KLHL29: variants seen among roughly 807,000 people sequenced by gnomAD.
KLHL29 encodes kelch-like protein 29.
A neutral mutation model predicts 80.4 loss-of-function variants in KLHL29; 21 were observed. That is an observed-to-expected ratio of 0.26 (90% CI 0.19 to 0.38). The LOEUF is 0.38. Ranked by LOEUF, KLHL29 falls within the 10% of genes least tolerant of loss-of-function variation. KLHL29 has a pLI of 1.00. For missense variants in KLHL29, 867 were observed against 1,223.9 expected, an observed-to-expected ratio of 0.71 and a Z score of 4.35; for synonymous variants, 511 against 526.8, an observed-to-expected ratio of 0.97 and a Z score of 0.41.
rs900229260 is a variant in KLHL29, at chr2:23,642,485, A to C, written c.575A>C (p.His192Pro). ...VIGVTPSLPP[H>P]VGPQLPLMPG... ...GGGGTGACCCCCTCACTGCCTCCCC[A>C]CGTGGGGCCCCAGCTCCCGCTGATG... The change falls in exon 5 of 14, where the codon CAC (histidine) becomes CCC (proline). Residue 192 changes from histidine (H) to proline (P), a missense_variant. By Grantham distance (77) the His-to-Pro change is moderately conservative. Around this residue, in one of 2 missense-constraint regions of KLHL29, gnomAD observed 424 missense variants for 456.9 expected, o/e 0.93. Coordinates refer to ENST00000486442, the MANE Select transcript of KLHL29 (RefSeq NM_052920.2). 6.6e-7 allele frequency: 1 copy of C among 1,519,242 alleles called. No homozygotes were observed. Among genetic ancestry groups the C allele is most frequent in the Admixed American group, 2.1e-5 (1 of 48,346 alleles). 94.1% of individuals were successfully genotyped at this position (1,519,242 alleles called of 1,614,324 possible).
intron 1 of KLHL29, among the ~76,000 whole-genome samples, chr2:23,409,597 G>A (rs1666814031): frequency 6.6e-6 from 1 of 152,222 alleles, no homozygotes; most frequent in African/African-American, 2.4e-5. Context: ...CTCCTATGAA[G>A]CCAGACTGTA....
chr2:23,470,045 T>C (rs547706086), intron 1 of KLHL29, among the ~76,000 whole-genome samples: 1 of 152,244 alleles, frequency 6.6e-6, no homozygotes, highest in South Asian at 2.1e-4. Context: ...AAGAGGATTT[T>C]GGTTTGCAAC....
At chr2:23,489,979 C>G (rs1665048387) in intron 2 of KLHL29, among the ~76,000 whole-genome samples, 1 of 152,218 alleles carries the variant, frequency 6.6e-6, no homozygotes, top group Admixed American at 6.5e-5. Flanking sequence ...ATCTATACTC[C>G]CCTTGCTCTA....
chr2:23,626,212 G>A (rs1669304944), intron 3 of KLHL29, among the ~76,000 whole-genome samples: 1 of 152,190 alleles, frequency 6.6e-6, no homozygotes, highest in South Asian at 2.1e-4. Context: ...AACAGGGTTC[G>A]TGCTCCTATG....
intron 1 of KLHL29, among the ~76,000 whole-genome samples, chr2:23,434,520 A>C (rs1663283525): frequency 6.6e-6 from 1 of 152,112 alleles, no homozygotes; most frequent in African/African-American, 2.4e-5. Context: ...TCAGTCAATT[A>C]CAGTTCCATC....
rs543772579 is a variant in KLHL29, at chr2:23,498,739, T to A, written c.-46+23072T>A. ...TGGCACGTGTGACTGGGGAACTGAATTGTGAATTCTATTTAAGCTAAATTA... is the reference window on the plus strand; with the variant it reads ...TGGCACGTGTGACTGGGGAACTGAAATGTGAATTCTATTTAAGCTAAATTA... On this transcript the variant is annotated intron_variant, in intron 2 of 13. Coordinates refer to ENST00000486442, the MANE Select transcript of KLHL29 (RefSeq NM_052920.2). Among the ~76,000 whole-genome samples the A allele has an allele frequency of 7.2e-5, 11 of 152,368 alleles. No homozygotes were observed. In the South Asian group the frequency reaches 2.1e-3, roughly 29 times the overall value.
chr2:23,622,059 A>G (rs1246264466), intron 3 of KLHL29, among the ~76,000 whole-genome samples: 1 of 152,180 alleles, frequency 6.6e-6, no homozygotes, highest in Non-Finnish European at 1.5e-5. Flanking sequence ...GGCACCTGCA[A>G]TGCACATCCT....
chr2:23,509,250 G>T (rs754078651), intron 2 of KLHL29, among the ~76,000 whole-genome samples: 1 of 152,148 alleles, frequency 6.6e-6, no homozygotes, highest in African/African-American at 2.4e-5. Flanking sequence ...ACACTGCAAG[G>T]ACTCTCATCT....
At chr2:23,490,659 A>G (rs978666083) in intron 2 of KLHL29, among the ~76,000 whole-genome samples, 1 of 152,254 alleles carries the variant, frequency 6.6e-6, no homozygotes, top group African/African-American at 2.4e-5. Context: ...AATATCTTTC[A>G]TAAAAGATGA....
chr2:23,455,237 T>C (rs1664015489), intron 1 of KLHL29, among the ~76,000 whole-genome samples: 1 of 152,222 alleles, frequency 6.6e-6, no homozygotes, highest in Non-Finnish European at 1.5e-5. Flanking sequence ...CTTGACCTCT[T>C]GTGACTGATT....
intron 1 of KLHL29, among the ~76,000 whole-genome samples, chr2:23,410,971 G>A (rs1435518853): frequency 1.3e-5 from 2 of 151,958 alleles, no homozygotes; most frequent in Non-Finnish European, 2.9e-5. Context: ...TCCTCCCCCA[G>A]CCCCTCATTT....
At chr2:23,653,296 T>C (rs1670136292) in intron 5 of KLHL29, among the ~76,000 whole-genome samples, 1 of 152,150 alleles carries the variant, frequency 6.6e-6, no homozygotes, top group Non-Finnish European at 1.5e-5. Flanking sequence ...CCACCCCTAT[T>C]CCATGGTGCC....
chr2:23,440,600 A>G (rs1251701925), intron 1 of KLHL29, among the ~76,000 whole-genome samples: 1 of 152,178 alleles, frequency 6.6e-6, no homozygotes, highest in African/African-American at 2.4e-5. Context: ...GCTAATACCC[A>G]GAATCTACAA....
At chr2:23,525,494 T>A (rs1666274948) in intron 2 of KLHL29, among the ~76,000 whole-genome samples, 1 of 152,248 alleles carries the variant, frequency 6.6e-6, no homozygotes, top group Admixed American at 6.5e-5. Flanking sequence ...TGGCATCTGC[T>A]CTTGCCCTGT....
rs1363334460 is a variant in KLHL29 at position 23,496,540 on chromosome 2, C to T, written c.-46+20873C>T. ...ATGTTTTCCCCCAAAAAGGGTACCC[C>T]GCCAGTGTGCAGCAGCAGCACCCCC... On this transcript the variant is annotated intron_variant, in intron 2 of 13. Coordinates refer to ENST00000486442, the MANE Select transcript of KLHL29 (RefSeq NM_052920.2). 3.9e-5 allele frequency among the ~76,000 whole-genome samples: 6 copies of T among 152,292 alleles called. No homozygotes were observed. In the East Asian group the frequency reaches 9.7e-4, roughly 25 times the overall value.
intron 3 of KLHL29, among the ~76,000 whole-genome samples, chr2:23,607,781 C>T (rs1044036592): frequency 1.3e-5 from 2 of 152,206 alleles, no homozygotes; most frequent in African/African-American, 4.8e-5. Context: ...ACCCGATGAT[C>T]TGAGGTGGAG....
rs540018646 is a variant in KLHL29, at chr2:23,460,857, C to G, written c.-153-14703C>G. ...GCATCGTGCAAACTCAGGAGCTTCC[C>G]GTGAAGGGAGCATCGTGCAAGCTCA... On this transcript the variant is annotated intron_variant, in intron 1 of 13. Coordinates refer to ENST00000486442, the MANE Select transcript of KLHL29 (RefSeq NM_052920.2). Among the ~76,000 whole-genome samples, 9 of 152,172 alleles carry G rather than the reference C, an allele frequency of 5.9e-5. No homozygotes were observed. In the South Asian group the frequency reaches 1.9e-3, roughly 32 times the overall value.
In KLHL29 at chr2:23,706,748, C is replaced by A; in HGVS notation, c.*84C>A. On this transcript the variant is annotated 3_prime_UTR_variant, in exon 14 of 14. Coordinates refer to ENST00000486442, the MANE Select transcript of KLHL29 (RefSeq NM_052920.2). ...AATGATAATTTTCCAGCGACACCAA[C>A]AAGAGGCCAACAAAACACAATCAAG... 2 of 960,824 alleles carry A rather than the reference C, an allele frequency of 2.1e-6. No homozygotes were observed. The highest frequency in any genetic ancestry group is 2.0e-5 in the South Asian group (1 of 50,112). 59.5% of individuals were successfully genotyped at this position (960,824 alleles called of 1,614,324 possible).
At chr2:23,619,221 T>C (rs1363877415) in intron 3 of KLHL29, among the ~76,000 whole-genome samples, 4 of 152,254 alleles carry the variant, frequency 2.6e-5, no homozygotes, top group Non-Finnish European at 4.4e-5. Flanking sequence ...AGCAGGTCTG[T>C]GACTCTTCCT....
Sources: gnomAD v4.1 joint callset for allele counts (sites outside exome capture counted in the v4.1 genomes callset) on GRCh38, gnomAD v4.1.1 for gene constraint, gnomAD v4.1.1 regional missense constraint, MANE v1.5 for transcripts, NCBI Gene and HGNC (gene_info 2026-07-23, HGNC 2026-07-21) for gene names.